AFAP1: variants seen among roughly 807,000 people sequenced by gnomAD.
The protein encoded by AFAP1 is actin filament associated protein 1, also known as actin filament-associated protein 1.
Under a neutral mutation model 93.9 loss-of-function variants are expected in AFAP1, and 75 were observed. That is an observed-to-expected ratio of 0.80 (90% CI 0.66 to 0.97). The LOEUF (loss-of-function observed/expected upper bound fraction) is 0.97, where lower values mean the gene tolerates loss of function less well. Ranked by LOEUF, AFAP1 falls within the 50% of genes least tolerant of loss-of-function variation. The pLI is 0.00. For missense variants in AFAP1, 1,201 were observed against 1,050.8 expected (o/e 1.14, Z -1.98); for synonymous variants, 517 against 430.7 (o/e 1.20, Z -2.48).
In AFAP1 at chr4:7,913,854, T is replaced by C. The variant is rs193194902; in HGVS notation, c.-3+25802A>G. On this transcript the variant is annotated intron_variant, in intron 1 of 17. Transcript: ENST00000420658. ...AAATATGAAAAAGCTAGCTGCTTCA[T>C]AGCCATTCCAATCTAAGTTCAGCTT... 1.7e-4 allele frequency among the ~76,000 whole-genome samples: 26 copies of C among 152,350 alleles called. No individual in the cohort carries two copies. The East Asian group carries it at 1.9e-3, about 11-fold the overall frequency.
At chr4:7,799,208 CCT>C (rs993163875) in intron 10 of AFAP1, 1 of 477,090 alleles carries the variant, frequency 2.1e-6, no homozygotes, top group African/African-American at 2.1e-5. Context: ...TGAGCCCAGC[CCT>C]CTCTGTTAGA....
intron 11 of AFAP1, among the ~76,000 whole-genome samples, chr4:7,791,852 C>CAA (rs10661853): frequency 6.8e-6 from 1 of 146,938 alleles, no homozygotes; most frequent in Non-Finnish European, 1.5e-5. Flanking sequence ...CAAAAAAAAA[C>CAA]AAAAACAAAA....
At position 7,823,445 on chromosome 4, in the gene AFAP1, G is replaced by GCA. The variant is rs1721150921; in HGVS notation, c.727-4275_727-4274insTG. ...TCAAGAGGAAAAAGTGTTGTTTTGT[G>GCA]TGTTTTTTAAAGGAAAGTAGATAAA... On this transcript the variant is annotated intron_variant, in intron 6 of 17. Coordinates refer to ENST00000420658, the MANE Select transcript of AFAP1 (RefSeq NM_001134647.2). Among the ~76,000 whole-genome samples the GCA allele has an allele frequency of 4.8e-5, 7 of 146,486 alleles. No individual in the cohort carries two copies. In the South Asian group the frequency reaches 1.6e-3, roughly 34 times the overall value.
At chr4:7,936,362 G>T (rs542710550) in intron 1 of AFAP1, among the ~76,000 whole-genome samples, 1 of 149,670 alleles carries the variant, frequency 6.7e-6, no homozygotes, top group Non-Finnish European at 1.5e-5. Context: ...GTTTCACTCC[G>T]TCACCCAGAC....
At chr4:7,829,656 C>G (rs183389073) in intron 6 of AFAP1, among the ~76,000 whole-genome samples, 1 of 152,290 alleles carries the variant, frequency 6.6e-6, no homozygotes, top group Non-Finnish European at 1.5e-5. Context: ...CAGATTACAA[C>G]TAGACTGAGA....
intron 15 of AFAP1, 89 bp downstream of exon 15, chr4:7,774,650 G>A (rs1715902009): frequency 1.3e-6 from 2 of 1,504,654 alleles, no homozygotes; most frequent in South Asian, 1.3e-5. Flanking sequence ...CAGCCTTGGT[G>A]AGCAATAGGT....
In AFAP1 at chr4:7,838,807, A is replaced by C; in HGVS notation, c.547-104T>G. The C allele has an allele frequency of 2.3e-6, 3 of 1,297,124 alleles. No individual in the cohort carries two copies. In the East Asian group the frequency reaches 7.0e-5, roughly 30 times the overall value. 80.4% of individuals were successfully genotyped at this position (1,297,124 alleles called of 1,614,324 possible). ...AACCTGAGTGCGGGCAAGGCATCTGAAAGTCTGAATCTGCAGATGAGCAGG... is the reference window on the plus strand; with the variant it reads ...AACCTGAGTGCGGGCAAGGCATCTGCAAGTCTGAATCTGCAGATGAGCAGG... On this transcript the variant is annotated intron_variant, in intron 5 of 17. Transcript: ENST00000420658.
intron 1 of AFAP1, among the ~76,000 whole-genome samples, chr4:7,937,077 T>A (rs1018742110): frequency 6.6e-6 from 1 of 151,848 alleles, no homozygotes; most frequent in African/African-American, 2.4e-5. Flanking sequence ...ACTCCATTAA[T>A]GAGAAAAAAA....
chr4:7,838,485 T>C (rs376275457), intron 6 of AFAP1, 39 bp downstream of exon 6: 1 of 1,569,156 alleles, frequency 6.4e-7, no homozygotes, highest in East Asian at 2.3e-5. Flanking sequence ...GAAAGGCATG[T>C]GGAACTGAAA....
intron 1 of AFAP1, among the ~76,000 whole-genome samples, chr4:7,873,497 C>T (rs375620984): frequency 1.2e-3 from 177 of 150,656 alleles, no homozygotes; most frequent in East Asian, 1.6e-3. Flanking sequence ...TACAGGCGCC[C>T]GCCACCACGC....
At chr4:7,801,033 C>T (rs774956567) in intron 9 of AFAP1, among the ~76,000 whole-genome samples, 6 of 152,154 alleles carry the variant, frequency 3.9e-5, no homozygotes, top group Non-Finnish European at 4.4e-5. Flanking sequence ...AACTGGAAAC[C>T]GATTTCACTT....
intron 14 of AFAP1, chr4:7,777,535 C>T (rs555593774): frequency 2.0e-5 from 3 of 152,284 alleles, no homozygotes; most frequent in East Asian, 3.9e-4. Flanking sequence ...AAATGAATGT[C>T]GGCACGTGTC....
At chr4:7,773,741 AG>A (rs2148964670) in intron 15 of AFAP1, 1 of 152,592 alleles carries the variant, frequency 6.6e-6, no homozygotes, top group South Asian at 2.1e-4. Context: ...CTCCTCCCGT[AG>A]GGTCAGCCTC....
intron 9 of AFAP1, among the ~76,000 whole-genome samples, chr4:7,801,792 C>T (rs1719055584): frequency 1.3e-5 from 2 of 151,884 alleles, no homozygotes; most frequent in South Asian, 4.2e-4. Flanking sequence ...CTTTCCAATT[C>T]TGATTTTTCA....
At chr4:7,826,314 C>G (rs1721418393) in intron 6 of AFAP1, among the ~76,000 whole-genome samples, 1 of 152,212 alleles carries the variant, frequency 6.6e-6, no homozygotes, top group Admixed American at 6.5e-5. Context: ...CCCACCCCAC[C>G]CCGCCGCCCC....
chr4:7,836,247 A>G (rs532448490), intron 6 of AFAP1, among the ~76,000 whole-genome samples: 49 of 152,216 alleles, frequency 3.2e-4, no homozygotes, highest in African/African-American at 1.0e-3. Flanking sequence ...AGCAAGGAAG[A>G]ACTGAAATCT....
chr4:7,765,746 G>A (rs187573514), intron 17 of AFAP1, among the ~76,000 whole-genome samples: 9 of 152,322 alleles, frequency 5.9e-5, no homozygotes, highest in Admixed American at 1.3e-4. Flanking sequence ...AGGCACAGAC[G>A]CCAGGGCCAG....
intron 1 of AFAP1, among the ~76,000 whole-genome samples, chr4:7,892,608 C>T (rs2149208488): frequency 6.6e-6 from 1 of 152,266 alleles, no homozygotes; most frequent in South Asian, 2.1e-4. Context: ...CATCTCTCAG[C>T]CATGATTTAA....
At chr4:7,842,570 C>G (rs1001089782) in intron 5 of AFAP1, 1 of 152,046 alleles carries the variant, frequency 6.6e-6, no homozygotes, top group Non-Finnish European at 1.5e-5. Context: ...ACCGTCCTCC[C>G]GGAATGCAGC....
Sources: allele counts gnomAD v4.1 joint callset (sites outside exome capture counted in the v4.1 genomes callset), GRCh38; gene constraint gnomAD v4.1.1; transcripts MANE v1.5; gene names NCBI Gene and HGNC (gene_info 2026-07-23, HGNC 2026-07-21).